Variants in GLYR1 observed in about 807,000 individuals in gnomAD.
GLYR1 encodes the protein cytokine-like nuclear factor N-PAC.
A neutral mutation model predicts 72.7 loss-of-function variants in GLYR1; 21 were observed. The ratio of observed to expected loss-of-function variants is 0.29; its 90% CI spans 0.20 to 0.42. The LOEUF is 0.42. Among genes scored for constraint, GLYR1 ranks in the 10% least tolerant of loss-of-function variants. The pLI, the probability that GLYR1 is intolerant of heterozygous loss-of-function variation, is 1.00. For synonymous variants in GLYR1, 392 were observed against 270.2 expected (o/e 1.45, Z -4.42); for missense variants, 594 against 712.1 (o/e 0.83, Z 1.89).
chr16:4,839,481 A>G (rs924438525), intron 3 of GLYR1: 1 of 152,220 alleles, frequency 6.6e-6, no homozygotes, highest in African/African-American at 2.4e-5. Flanking sequence ...ACCCTCGTGC[A>G]CTTGACACAT....
At chr16:4,815,443 G>C (rs761199989) in intron 10 of GLYR1, among the ~76,000 whole-genome samples, 1 of 152,198 alleles carries the variant, frequency 6.6e-6, no homozygotes, top group Non-Finnish European at 1.5e-5. Context: ...ACTTCACTGA[G>C]AGATATACTG....
Position 4,813,752 on chromosome 16 carries a change from G to A in GLYR1, c.1104C>T (p.Val368=). ...AGGCTGCTACCTGGGCCAGCTCAGT[G>A]ACGGTGTCAGCGTCCACTGTTGACA... ...VDMSTVDADT[V]TELAQVIVSR... Residue 368 remains valine, a synonymous_variant, in exon 12 of 16, where the codon GTC becomes GTT. Coordinates refer to ENST00000321919, the MANE Select transcript of GLYR1 (RefSeq NM_032569.4). 2 of 1,606,958 alleles carry A rather than the reference G, an allele frequency of 1.2e-6. No homozygotes were observed. Among genetic ancestry groups the A allele is most frequent in the Non-Finnish European group, 1.7e-6 (2 of 1,176,746 alleles).
intron 15 of GLYR1, among the ~76,000 whole-genome samples, chr16:4,805,918 T>C (rs1469526443): frequency 6.6e-6 from 1 of 151,718 alleles, no homozygotes; most frequent in South Asian, 2.1e-4. Context: ...GAGGCGGAGG[T>C]TGCAGTGAGC....
At chr16:4,819,342 C>T (rs2141979558) in intron 9 of GLYR1, among the ~76,000 whole-genome samples, 1 of 152,194 alleles carries the variant, frequency 6.6e-6, no homozygotes, top group Middle Eastern at 3.4e-3. Context: ...CAGCATTATG[C>T]TGTCTCCCAG....
chr16:4,845,238 G>A lies in GLYR1; in HGVS notation c.76-85C>T, dbSNP rs1248035003. ...GCTCCACATTGCTCTACAGTTCTAC[G>A]TTGCTAAGAAAAAAGTAAATTAAAA... On this transcript the variant is annotated intron_variant, in intron 2 of 15. Coordinates refer to ENST00000321919, the MANE Select transcript of GLYR1 (RefSeq NM_032569.4). 17 of 855,850 alleles carry A rather than the reference G, an allele frequency of 2.0e-5. No homozygotes were observed. In the East Asian group the frequency reaches 2.4e-4, roughly 12 times the overall value. The allele number at this position is 855,850 out of a possible 1,614,324, so 53.0% of individuals were successfully genotyped here.
intron 3 of GLYR1, 78 bp downstream of exon 3, chr16:4,844,996 G>C: frequency 1.1e-6 from 1 of 929,648 alleles, no homozygotes; most frequent in Non-Finnish European, 1.8e-6. Flanking sequence ...AGGATCCTTA[G>C]AATATTTTCA....
chr16:4,840,965 T>C (rs2085504523), intron 3 of GLYR1, among the ~76,000 whole-genome samples: 1 of 152,226 alleles, frequency 6.6e-6, no homozygotes, highest in African/African-American at 2.4e-5. Flanking sequence ...CTTTATTTCC[T>C]TTCTCTAAGT....
Position 4,804,044 on chromosome 16 carries a change from CG to C in GLYR1, c.*1191del, listed in dbSNP as rs1264922735. ...AGTTCTCTTCCCTCCCGACAGACCCCGGGCCCGGGAAGCACCGAAGACCATG... is the reference window on the plus strand; with the variant it reads ...AGTTCTCTTCCCTCCCGACAGACCCCGGCCCGGGAAGCACCGAAGACCATG... On this transcript the variant is annotated 3_prime_UTR_variant, in exon 16 of 16. Coordinates refer to ENST00000321919, the MANE Select transcript of GLYR1 (RefSeq NM_032569.4). The C allele has an allele frequency of 6.6e-6, 1 of 152,268 alleles. No individual in the cohort carries two copies. Among genetic ancestry groups the C allele is most frequent in the African/African-American group, 2.4e-5 (1 of 41,420 alleles). 9.4% of individuals were successfully genotyped at this position (152,268 alleles called of 1,614,324 possible). A position where few individuals can be genotyped will look rare whatever the true frequency, so the allele number is the denominator to read the frequency against.
At chr16:4,822,659 G>A (rs1725882044) in intron 7 of GLYR1, among the ~76,000 whole-genome samples, 1 of 152,244 alleles carries the variant, frequency 6.6e-6, no homozygotes. Flanking sequence ...AAAGTACTGG[G>A]ATGACAGGTG....
intron 5 of GLYR1, 107 bp from the exon 6 acceptor site, chr16:4,824,014 T>G (rs2084219098): frequency 1.3e-6 from 1 of 783,776 alleles, no homozygotes; most frequent in African/African-American, 1.7e-5. Flanking sequence ...CCAACCACTG[T>G]TCTGATGACC....
chr16:4,811,411 G>C, intron 14 of GLYR1, 117 bp from the exon 15 acceptor site: 2 of 1,416,734 alleles, frequency 1.4e-6, no homozygotes, highest in Admixed American at 2.0e-5. Context: ...ACATAGCCTA[G>C]GCCTCTTGGC....
intron 3 of GLYR1, among the ~76,000 whole-genome samples, chr16:4,840,611 T>C (rs963519645): frequency 1.3e-5 from 2 of 152,302 alleles, no homozygotes; most frequent in African/African-American, 2.4e-5. Flanking sequence ...AAAGGCATCC[T>C]GGACCAATGT....
chr16:4,846,080 A>T, intron 2 of GLYR1, 94 bp downstream of exon 2: 1 of 1,381,286 alleles, frequency 7.2e-7, no homozygotes, highest in Non-Finnish European at 1.0e-6. Context: ...AGCCCAATTT[A>T]ACTCAATACT....
chr16:4,812,006 G>C, intron 13 of GLYR1, 80 bp downstream of exon 13: 2 of 1,526,534 alleles, frequency 1.3e-6, no homozygotes, highest in Non-Finnish European at 1.8e-6. Context: ...GAAAGGCCGT[G>C]TGGGACTGAC....
chr16:4,804,072 T>G lies in GLYR1; in HGVS notation c.*1164A>C, dbSNP rs2082837534. Reference sequence around the variant, plus strand: ...GCCCGGGAAGCACCGAAGACCATGATGCTGGCTGGAGTGAAGACACTCGTT... The same window carrying G: ...GCCCGGGAAGCACCGAAGACCATGAGGCTGGCTGGAGTGAAGACACTCGTT... On this transcript the variant is annotated 3_prime_UTR_variant, in exon 16 of 16. Transcript: ENST00000321919. 6.6e-6 allele frequency: 1 copy of G among 152,194 alleles called. No homozygotes were observed. The highest frequency in any genetic ancestry group is 2.4e-5 in the African/African-American group (1 of 41,392). The allele number at this position is 152,194 out of a possible 1,614,324, so 9.4% of individuals were successfully genotyped here.
chr16:4,821,898 C>T (rs938824740), intron 7 of GLYR1, among the ~76,000 whole-genome samples: 5 of 152,224 alleles, frequency 3.3e-5, no homozygotes, highest in African/African-American at 1.2e-4. Flanking sequence ...ACGGCTCAGG[C>T]CACCCCATAA....
At chr16:4,831,376 C>T (rs543131974) in intron 5 of GLYR1, among the ~76,000 whole-genome samples, 2 of 152,334 alleles carry the variant, frequency 1.3e-5, no homozygotes, top group East Asian at 1.9e-4. Flanking sequence ...GACTCCAAGA[C>T]GCTTTAGTAC....
At chr16:4,812,367 C>CG (rs1301462241) in intron 12 of GLYR1, 119 bp from the exon 13 acceptor site, 2 of 1,089,354 alleles carry the variant, frequency 1.8e-6, no homozygotes, top group African/African-American at 3.2e-5. Flanking sequence ...CTGGAGGGGA[C>CG]GGCCACCCAT....
intron 5 of GLYR1, among the ~76,000 whole-genome samples, chr16:4,825,432 G>A (rs906449508): frequency 6.6e-6 from 1 of 152,076 alleles, no homozygotes; most frequent in Non-Finnish European, 1.5e-5. Flanking sequence ...TATCTCCTTG[G>A]CTCAGGCTCG....
Sources: gnomAD v4.1 joint callset for allele counts (sites outside exome capture counted in the v4.1 genomes callset) on GRCh38, gnomAD v4.1.1 for gene constraint, MANE v1.5 for transcripts, NCBI Gene and HGNC (gene_info 2026-07-23, HGNC 2026-07-21) for gene names.